The following CACNA1A variants were observed in gnomAD, a reference collection of about 807,000 sequenced individuals.
CACNA1A encodes voltage-dependent P/Q-type calcium channel subunit alpha-1A.
Under a neutral mutation model 262.4 loss-of-function variants are expected in CACNA1A, and 57 were observed. The ratio of observed to expected loss-of-function variants is 0.22; its 90% CI spans 0.18 to 0.27. CACNA1A has a LOEUF of 0.27. CACNA1A is among the 10% of genes least tolerant of loss of function. The pLI, the probability that CACNA1A is intolerant of heterozygous loss-of-function variation, is 1.00. For synonymous variants in CACNA1A, 1,431 were observed against 1,419.3 expected, an observed-to-expected ratio of 1.01 and a Z score of -0.18; for missense variants, 2,526 against 3,562.8, an observed-to-expected ratio of 0.71 and a Z score of 7.41.
chr19:13,218,123 C>T (rs1262121342), intron 38 of CACNA1A, among the ~76,000 whole-genome samples: 1 of 151,848 alleles, frequency 6.6e-6, no homozygotes, highest in Non-Finnish European at 1.5e-5. Flanking sequence ...GGTGTTTTTG[C>T]TCTATTGCCC....
chr19:13,263,093 G>A, intron 24 of CACNA1A: 3 of 480,592 alleles, frequency 6.2e-6, no homozygotes, highest in Non-Finnish European at 1.1e-5. Flanking sequence ...GGCTGGGCCT[G>A]AGCAGCTGTA....
chr19:13,471,184 C>A (rs995976362), intron 1 of CACNA1A, among the ~76,000 whole-genome samples: 2 of 152,134 alleles, frequency 1.3e-5, no homozygotes, highest in Non-Finnish European at 2.9e-5. Flanking sequence ...CCAGGATGAC[C>A]TCATCTCAAT....
At chr19:13,281,873 C>T (rs2057300590) in intron 22 of CACNA1A, among the ~76,000 whole-genome samples, 1 of 152,212 alleles carries the variant, frequency 6.6e-6, no homozygotes, top group Non-Finnish European at 1.5e-5. Context: ...GGTCTGAGCA[C>T]TGCCTAGATT....
intron 30 of CACNA1A, among the ~76,000 whole-genome samples, chr19:13,247,325 TGTGCGTCG>T (rs1198998574): frequency 6.6e-6 from 1 of 152,228 alleles, no homozygotes; most frequent in East Asian, 1.9e-4. Context: ...AGACAATGAA[TGTGCGTCG>T]CTGAGCATGG....
intron 19 of CACNA1A, among the ~76,000 whole-genome samples, chr19:13,289,891 T>C (rs1239851561): frequency 6.7e-6 from 1 of 149,398 alleles, no homozygotes; most frequent in Admixed American, 6.7e-5. Flanking sequence ...CTGTAGTTTC[T>C]ATATTATATA....
At chr19:13,353,950 T>A (rs77751393) in intron 6 of CACNA1A, among the ~76,000 whole-genome samples, 2 of 152,338 alleles carry the variant, frequency 1.3e-5, no homozygotes, top group East Asian at 3.9e-4. Context: ...CATACACATT[T>A]GCTTAGTGTC....
rs924185825 is a variant in CACNA1A, at chr19:13,214,754, AGAG to A, written c.5732-149_5732-147del. On this transcript the variant is annotated intron_variant, in intron 38 of 46. Transcript: ENST00000360228. This position sits in a 1 kb window ranked among gnomAD's most constrained non-coding sequence, Gnocchi z 4.1. ...CTCCAGTTCCCCAACGGCCTGGCCC[AGAG>A]GAGGCCCTGGGCAGTGCTGCTGGAA... 4 of 661,228 alleles carry A rather than the reference AGAG, an allele frequency of 6.0e-6. No individual in the cohort carries two copies. The highest frequency in any genetic ancestry group is 4.8e-5 in the Admixed American group (2 of 41,910). 41.0% of individuals were successfully genotyped at this position (661,228 alleles called of 1,614,324 possible).
At chr19:13,344,420 C>A (rs1265449012) in intron 6 of CACNA1A, among the ~76,000 whole-genome samples, 2 of 152,138 alleles carry the variant, frequency 1.3e-5, no homozygotes, top group African/African-American at 4.8e-5. Flanking sequence ...CCAATTTCTT[C>A]TTATCACTCA....
At chr19:13,330,752 G>A (rs965365076) in intron 9 of CACNA1A, among the ~76,000 whole-genome samples, 2 of 152,142 alleles carry the variant, frequency 1.3e-5, no homozygotes, top group East Asian at 1.9e-4. Context: ...CACCACGCCT[G>A]GCTAATTTTT....
intron 1 of CACNA1A, among the ~76,000 whole-genome samples, chr19:13,487,631 T>C (rs1210134010): frequency 1.3e-5 from 2 of 150,374 alleles, no homozygotes; most frequent in African/African-American, 4.9e-5. Flanking sequence ...TGGTTAATGG[T>C]CAATTTTATG....
At chr19:13,229,328 T>C (rs1052831946) in intron 36 of CACNA1A, among the ~76,000 whole-genome samples, 1 of 152,098 alleles carries the variant, frequency 6.6e-6, no homozygotes, top group African/African-American at 2.4e-5. Context: ...CAGTAATGCT[T>C]CTTCAGGCCC....
chr19:13,420,679 G>A (rs1209029283), intron 3 of CACNA1A, among the ~76,000 whole-genome samples: 2 of 152,064 alleles, frequency 1.3e-5, no homozygotes, highest in African/African-American at 4.8e-5. Context: ...AGAACTAAGA[G>A]AAAATAAATT....
At chr19:13,278,315 TTC>T (rs1382156463) in intron 22 of CACNA1A, among the ~76,000 whole-genome samples, 2 of 152,132 alleles carry the variant, frequency 1.3e-5, no homozygotes, top group African/African-American at 2.4e-5. Flanking sequence ...CTTCCTCTCA[TTC>T]TCTCCCTTGC....
chr19:13,232,077 G>A (rs2055682306), intron 34 of CACNA1A, among the ~76,000 whole-genome samples: 1 of 152,068 alleles, frequency 6.6e-6, no homozygotes, highest in Non-Finnish European at 1.5e-5. Flanking sequence ...AAATACCAAT[G>A]CCCGTGCCCC....
In CACNA1A at chr19:13,298,788, T is replaced by C; in HGVS notation, c.2845A>G (p.Thr949Ala). 1 of 1,541,196 alleles carries C rather than the reference T, an allele frequency of 6.5e-7. No homozygotes were observed. The highest frequency in any genetic ancestry group is 8.7e-7 in the Non-Finnish European group (1 of 1,154,558). ...CGTCGATGCTCCCCGTCCGCGCCCG[T>C]GCGCGGGGACCCGCTGCGGCTCTCC... Reference protein sequence around the residue: ...SRESRSGSPRTGADGEHRRHR... With the variant: ...SRESRSGSPRAGADGEHRRHR... The change falls in exon 19 of 47, where the codon ACG becomes GCG. Residue 949 changes from threonine to alanine, a missense_variant. Thr to Ala is a moderately conservative substitution (Grantham distance 58). Coordinates refer to ENST00000360228, the MANE Select transcript of CACNA1A (RefSeq NM_001127222.2).
chr19:13,336,587 G>GAGAGAGGGAC, intron 6 of CACNA1A, among the ~76,000 whole-genome samples: 1 of 86,152 alleles, frequency 1.2e-5, no homozygotes, highest in South Asian at 6.1e-4. Flanking sequence ...GAGACAGAGA[G>GAGAGAGGGAC]AGAGAGGGAG....
intron 30 of CACNA1A, among the ~76,000 whole-genome samples, chr19:13,251,249 C>T (rs775738415): frequency 9.7e-4 from 147 of 151,716 alleles, no homozygotes; most frequent in Non-Finnish European, 1.1e-3. Context: ...TTTGGGAGGC[C>T]GAGGCGGGCG....
At chr19:13,244,069 C>T (rs2056160740) in intron 31 of CACNA1A, 1 of 152,288 alleles carries the variant, frequency 6.6e-6, no homozygotes, top group African/African-American at 2.4e-5. Flanking sequence ...TCTCTGCCTG[C>T]TTGGGCCCTG....
At chr19:13,346,637 TATATATATATATATATA>T (rs2058773697) in intron 6 of CACNA1A, among the ~76,000 whole-genome samples, 6 of 5,330 alleles carry the variant, frequency 1.1e-3, no homozygotes, top group Non-Finnish European at 2.3e-3. Flanking sequence ...TATATATATA[TATATATATATATATATA>T]TATATATATA....
Sources: allele counts gnomAD v4.1 joint callset (sites outside exome capture counted in the v4.1 genomes callset), GRCh38; gene constraint gnomAD v4.1.1; non-coding constraint Gnocchi (gnomAD v3.1); transcripts MANE v1.5; gene names NCBI Gene and HGNC (gene_info 2026-07-23, HGNC 2026-07-21).